The following SLC12A1 variants were observed in gnomAD, a reference collection of about 807,000 sequenced individuals.
The protein encoded by SLC12A1 is Na-K-2Cl cotransporter.
Under a neutral mutation model 130.4 loss-of-function variants are expected in SLC12A1, and 89 were observed. That is an observed-to-expected ratio of 0.68 (90% CI 0.58 to 0.81). The LOEUF (loss-of-function observed/expected upper bound fraction) is 0.81. Ranked by LOEUF, SLC12A1 falls within the 40% of genes least tolerant of loss-of-function variation. The probability of loss-of-function intolerance (pLI) is 0.00; values close to 1 mark genes in which losing one functional copy is unlikely to be tolerated. For missense variants in SLC12A1, 1,310 were observed against 1,336.4 expected, an observed-to-expected ratio of 0.98 and a Z score of 0.31; for synonymous variants, 499 against 460.0, an observed-to-expected ratio of 1.08 and a Z score of -1.09.
intron 7 of SLC12A1, among the ~76,000 whole-genome samples, chr15:48,231,001 T>G (rs2041369458): frequency 6.6e-6 from 1 of 152,226 alleles, no homozygotes; most frequent in Non-Finnish European, 1.5e-5. Context: ...ATAAAATGGA[T>G]AGTAAATTTC....
chr15:48,216,628 G>A lies in SLC12A1; in HGVS notation c.421-4006G>A, dbSNP rs888500476. On this transcript the variant is annotated intron_variant, in intron 2 of 26. Coordinates refer to ENST00000380993, the MANE Select transcript of SLC12A1 (RefSeq NM_000338.3). ...CAAAGTGAGTAACTACTGATGGTCT[G>A]GCTATGGGATTTTGATTAACTAGAA... Among the ~76,000 whole-genome samples, 5 of 152,276 alleles carry A rather than the reference G, an allele frequency of 3.3e-5. No homozygotes were observed. The East Asian group carries it at 9.6e-4, about 29-fold the overall frequency.
At chr15:48,252,387 C>A (rs1253642019) in intron 15 of SLC12A1, among the ~76,000 whole-genome samples, 1 of 152,064 alleles carries the variant, frequency 6.6e-6, no homozygotes, top group Non-Finnish European at 1.5e-5. Context: ...ACCATATAAC[C>A]AGAATGTGTA....
intron 4 of SLC12A1, chr15:48,225,819 T>C (rs1405873372): frequency 1.3e-6 from 1 of 761,138 alleles, no homozygotes; most frequent in Non-Finnish European, 1.6e-6. Flanking sequence ...TCTTCCACCA[T>C]TTAATACCTT....
intron 9 of SLC12A1, among the ~76,000 whole-genome samples, chr15:48,239,175 A>T (rs181340438): frequency 2.0e-5 from 3 of 152,318 alleles, no homozygotes; most frequent in African/African-American, 7.2e-5. Context: ...GTGAATATCT[A>T]ATCATACATT....
intron 2 of SLC12A1, among the ~76,000 whole-genome samples, chr15:48,218,622 A>C (rs1293783980): frequency 6.6e-6 from 1 of 152,162 alleles, no homozygotes. Flanking sequence ...GGAAGAAAAA[A>C]TGGTTTTATC....
intron 26 of SLC12A1, among the ~76,000 whole-genome samples, chr15:48,302,286 TA>T (rs2042240918): frequency 1.3e-5 from 2 of 152,168 alleles, no homozygotes; most frequent in Non-Finnish European, 2.9e-5. Context: ...CTATCTACAG[TA>T]AAAATAATTT....
chr15:48,230,594 T>C (rs942667701), intron 7 of SLC12A1, 91 bp downstream of exon 7: 2 of 799,580 alleles, frequency 2.5e-6, no homozygotes, highest in Middle Eastern at 2.3e-4. Flanking sequence ...TCAAAAGGAA[T>C]TGCTGTTATT....
chr15:48,219,774 C>T (rs536853524), intron 2 of SLC12A1, among the ~76,000 whole-genome samples: 24 of 151,884 alleles, frequency 1.6e-4, no homozygotes, highest in Non-Finnish European at 2.4e-4. Context: ...TAAAATAGGA[C>T]GGGCGCGGTG....
intron 15 of SLC12A1, among the ~76,000 whole-genome samples, 160 bp from the exon 16 acceptor site, chr15:48,255,651 G>C (rs1474466875): frequency 6.6e-6 from 1 of 152,174 alleles, no homozygotes; most frequent in Non-Finnish European, 1.5e-5. Flanking sequence ...GATACAAAGT[G>C]CTTTTTAGGA....
chr15:48,237,520 A>G (rs2041453355), intron 9 of SLC12A1, among the ~76,000 whole-genome samples: 1 of 152,236 alleles, frequency 6.6e-6, no homozygotes, highest in African/African-American at 2.4e-5. Flanking sequence ...TCTACTGAGA[A>G]ATCCCTGATG....
At chr15:48,258,121 G>A (rs1027297704) in intron 16 of SLC12A1, among the ~76,000 whole-genome samples, 1 of 70,720 alleles carries the variant, frequency 1.4e-5, no homozygotes. Flanking sequence ...CAGCACTTTG[G>A]GAGGCCGAGG....
intron 2 of SLC12A1, among the ~76,000 whole-genome samples, chr15:48,209,160 C>T (rs374997004): frequency 6.6e-6 from 1 of 152,308 alleles, no homozygotes; most frequent in East Asian, 1.9e-4. Context: ...CTCCTGGGTT[C>T]AAGCGATTCT....
chr15:48,219,726 G>T lies in SLC12A1; in HGVS notation c.421-908G>T, dbSNP rs558719255. The stretch of plus-strand genomic sequence containing the variant: ...TGAATTCTCTTAAAGATCCTCTGAG[G>T]TGTGTAGAGAAGTTTTATCATCATG... On this transcript the variant is annotated intron_variant, in intron 2 of 26. Coordinates refer to ENST00000380993, the MANE Select transcript of SLC12A1 (RefSeq NM_000338.3). Among the ~76,000 whole-genome samples the T allele has an allele frequency of 3.3e-5, 5 of 152,176 alleles. No individual in the cohort carries two copies. In the South Asian group the frequency reaches 1.0e-3, roughly 32 times the overall value.
intron 20 of SLC12A1, among the ~76,000 whole-genome samples, chr15:48,282,079 A>G (rs1169120190): frequency 2.0e-5 from 3 of 152,216 alleles, no homozygotes; most frequent in Non-Finnish European, 4.4e-5. Flanking sequence ...TCACCTACCA[A>G]GTGAATAATT....
chr15:48,294,918 T>G (rs1013280029), intron 24 of SLC12A1, among the ~76,000 whole-genome samples: 1 of 151,548 alleles, frequency 6.6e-6, no homozygotes, highest in Non-Finnish European at 1.5e-5. Context: ...TTTATTTATT[T>G]ATTTATTTTT....
At chr15:48,297,283 C>T (rs1340140979) in intron 24 of SLC12A1, among the ~76,000 whole-genome samples, 1 of 152,148 alleles carries the variant, frequency 6.6e-6, no homozygotes, top group Non-Finnish European at 1.5e-5. Flanking sequence ...GTCCAGGGCT[C>T]CTTTCAGGTT....
chr15:48,264,644 A>C (rs1228355698), intron 17 of SLC12A1, among the ~76,000 whole-genome samples: 1 of 152,170 alleles, frequency 6.6e-6, no homozygotes, highest in African/African-American at 2.4e-5. Flanking sequence ...GATAATATGG[A>C]CCAAATCAGA....
Position 48,235,002 on chromosome 15 carries a change from G to T in SLC12A1, c.1213G>T (p.Glu405Ter). The change falls in exon 9 of 27, where the codon GAG (glutamate) becomes TAG (stop). Residue 405 changes from glutamate to a stop codon, truncating the protein, a stop_gained and splice_region_variant. Transcript: ENST00000380993. LOFTEE classifies it high-confidence loss of function. ...LAGANISGDL[E>*]DPQDAIPRGT... ...TGGTGCCAATATCTCAGGAGATTTG[G>T]AGGTACGTTGTTTGCTCTGCTTTGC... 1 of 1,613,778 alleles carries T rather than the reference G, an allele frequency of 6.2e-7. No homozygotes were observed.
chr15:48,211,268 T>A (rs1294504927), intron 2 of SLC12A1, among the ~76,000 whole-genome samples: 3 of 152,202 alleles, frequency 2.0e-5, no homozygotes, highest in African/African-American at 7.2e-5. Flanking sequence ...TTGCTGAAAT[T>A]GTATGGCCTA....
Sources: allele counts gnomAD v4.1 joint callset (sites outside exome capture counted in the v4.1 genomes callset), GRCh38; gene constraint gnomAD v4.1.1; transcripts MANE v1.5; gene names NCBI Gene and HGNC (gene_info 2026-07-23, HGNC 2026-07-21).